Variants in ZNF136 observed in about 807,000 individuals in gnomAD.
ZNF136 encodes the protein zinc finger protein 136, also known as zinc finger protein 136 (clone pHZ-20).
Under a neutral mutation model 11.4 loss-of-function variants are expected in ZNF136, and 8 were observed. The observed-to-expected ratio is 0.70, with a 90% CI of 0.41 to 1.27. The LOEUF is 1.27. Ranked by LOEUF, ZNF136 falls within the 50% of genes most tolerant of loss-of-function variation. The pLI is 0.01. For missense variants in ZNF136, 590 were observed against 656.5 expected, an observed-to-expected ratio of 0.90 and a Z score of 1.11; for synonymous variants, 190 against 207.1, an observed-to-expected ratio of 0.92 and a Z score of 0.71.
rs201947919 is a variant in ZNF136, at chr19:12,163,200, G to A, written c.-4G>A. On this transcript the variant is annotated 5_prime_UTR_variant, in exon 1 of 4. Transcript: ENST00000343979. ...AGGAAGCTGGGACACCCGGGAGTCA[G>A]GAAATGGTGAGTGTGTCGGGCCCTG... 5.5e-5 allele frequency: 77 copies of A among 1,402,588 alleles called. 1 individual carries two copies. Among genetic ancestry groups the A allele is most frequent in the Non-Finnish European group, 6.9e-5 (74 of 1,071,824 alleles). The allele number at this position is 1,402,588 out of a possible 1,614,324, so 86.9% of individuals were successfully genotyped here. A position where few individuals can be genotyped will look rare whatever the true frequency, so the allele number is the denominator to read the frequency against.
rs942240554 is a variant in ZNF136, at chr19:12,189,658, T to C, written c.*1657T>C. 4 of 152,130 alleles carry C rather than the reference T, an allele frequency of 2.6e-5. No homozygotes were observed. The highest frequency in any genetic ancestry group is 9.7e-5 in the African/African-American group (4 of 41,434). 9.4% of individuals were successfully genotyped at this position (152,130 alleles called of 1,614,324 possible). ...TGTGAGCCATCACACCTAGCCCATT[T>C]TTTTTTTCTTGGCTCAAATAATTTT... On this transcript the variant is annotated 3_prime_UTR_variant, in exon 4 of 4. Transcript: ENST00000343979.
At chr19:12,172,322 C>G (rs1314028156) in intron 1 of ZNF136, among the ~76,000 whole-genome samples, 2 of 152,086 alleles carry the variant, frequency 1.3e-5, no homozygotes, top group African/African-American at 4.8e-5. Flanking sequence ...AAAACTTTAT[C>G]CCTGTCCTGG....
intron 1 of ZNF136, 120 bp downstream of exon 1, chr19:12,163,326 C>T: frequency 8.0e-7 from 1 of 1,245,008 alleles, no homozygotes; most frequent in Non-Finnish European, 1.0e-6. Flanking sequence ...TACCGAGTCC[C>T]TCTGGCGCAG....
chr19:12,186,905 C>A lies in ZNF136; in HGVS notation c.527C>A (p.Thr176Asn). 1.2e-6 allele frequency: 2 copies of A among 1,613,924 alleles called. No individual in the cohort carries two copies. Among genetic ancestry groups the A allele is most frequent in the Non-Finnish European group, 1.7e-6 (2 of 1,179,960 alleles). ...KLYDCKECGK[T>N]FFSLKRIRRH... ...TATGATTGTAAGGAATGTGGAAAAA[C>A]CTTCTTTTCTCTCAAAAGAATTAGA... is the stretch of plus-strand genomic sequence containing the variant. Residue 176 changes from threonine (T) to asparagine (N), a missense_variant, in exon 4 of 4, where the codon ACC becomes AAC. Physicochemically the swap from Thr to Asn is moderately conservative, Grantham distance 65. Coordinates refer to ENST00000343979, the MANE Select transcript of ZNF136 (RefSeq NM_003437.5).
chr19:12,171,835 A>T (rs1378497101), intron 1 of ZNF136, among the ~76,000 whole-genome samples: 1 of 151,848 alleles, frequency 6.6e-6, no homozygotes, highest in African/African-American at 2.4e-5. Flanking sequence ...CATTCTAGAG[A>T]GTGTATATTT....
chr19:12,186,881 A>G lies in ZNF136; in HGVS notation c.503A>G (p.Tyr168Cys), dbSNP rs756596257. The G allele has an allele frequency of 1.7e-5, 28 of 1,613,910 alleles. No individual in the cohort carries two copies. Among genetic ancestry groups the G allele is most frequent in the East Asian group, 1.3e-4 (6 of 44,874 alleles). ...HEIIHTGEKLYDCKECGKTFF... is the reference protein window; with the variant it reads ...HEIIHTGEKLCDCKECGKTFF... ...ATAATTCACACTGGAGAGAAACTCT[A>G]TGATTGTAAGGAATGTGGAAAAACC... The change falls in exon 4 of 4, where the codon TAT (tyrosine) becomes TGT (cysteine). Residue 168 changes from tyrosine to cysteine, a missense_variant. Physicochemically the swap from Tyr to Cys is radical, Grantham distance 194 (BLOSUM62 -2). Transcript: ENST00000343979.
At chr19:12,175,550 A>G (rs1473691881) in intron 1 of ZNF136, among the ~76,000 whole-genome samples, 1 of 152,214 alleles carries the variant, frequency 6.6e-6, no homozygotes, top group Non-Finnish European at 1.5e-5. Context: ...CACACATAGT[A>G]CAGAGTTCCC....
In ZNF136 at chr19:12,189,285, A is replaced by G. The variant is rs1396727966; in HGVS notation, c.*1284A>G. On this transcript the variant is annotated 3_prime_UTR_variant, in exon 4 of 4. Coordinates refer to ENST00000343979, the MANE Select transcript of ZNF136 (RefSeq NM_003437.5). ...TTAGCAGGTTCTTGATTCCCTTTCC[A>G]CATTATATACATTCCATCATATTTA... 2 of 152,076 alleles carry G rather than the reference A, an allele frequency of 1.3e-5. No homozygotes were observed. The highest frequency in any genetic ancestry group is 2.4e-5 in the African/African-American group (1 of 41,396). The allele number at this position is 152,076 out of a possible 1,614,324, so 9.4% of individuals were successfully genotyped here.
rs1915191320 is a variant in ZNF136 at position 12,189,026 on chromosome 19, C to T, written c.*1025C>T. 1 of 152,020 alleles carries T rather than the reference C, an allele frequency of 6.6e-6. No individual in the cohort carries two copies. The highest frequency in any genetic ancestry group is 2.1e-4 in the South Asian group (1 of 4,832). 9.4% of individuals were successfully genotyped at this position (152,020 alleles called of 1,614,324 possible). ...CAAAGAAATGTTAAATTGATATAAT[C>T]CTGTAAGTAATCTGAAAGCAATAGT... On this transcript the variant is annotated 3_prime_UTR_variant, in exon 4 of 4. Coordinates refer to ENST00000343979, the MANE Select transcript of ZNF136 (RefSeq NM_003437.5).
At chr19:12,168,646 A>G (rs1489024359) in intron 1 of ZNF136, among the ~76,000 whole-genome samples, 1 of 151,196 alleles carries the variant, frequency 6.6e-6, no homozygotes, top group Non-Finnish European at 1.5e-5. Context: ...CCCTGGTCAT[A>G]TATATCTTTT....
At position 12,186,771 on chromosome 19, in the gene ZNF136, A is replaced by T; in HGVS notation, c.393A>T (p.Glu131Asp). ...IKDHSGHEPK[E>D]YQEYGEKPDT... Reference sequence around the variant, plus strand: ...ATCACAGTGGACATGAACCAAAGGAATATCAGGAATATGGAGAGAAGCCAG... The same window carrying T: ...ATCACAGTGGACATGAACCAAAGGATTATCAGGAATATGGAGAGAAGCCAG... The change falls in exon 4 of 4, where the codon GAA becomes GAT. Residue 131 changes from glutamate (E) to aspartate (D), a missense_variant. Physicochemically the swap from Glu to Asp is conservative, Grantham distance 45. Transcript: ENST00000343979. 1 of 1,614,188 alleles carries T rather than the reference A, an allele frequency of 6.2e-7. No individual in the cohort carries two copies. The highest frequency in any genetic ancestry group is 8.5e-7 in the Non-Finnish European group (1 of 1,180,022).
chr19:12,173,657 G>C (rs1159404909), intron 1 of ZNF136, among the ~76,000 whole-genome samples: 1 of 152,014 alleles, frequency 6.6e-6, no homozygotes. Flanking sequence ...GTGTTTTCCC[G>C]AATTTTGTGA....
intron 1 of ZNF136, among the ~76,000 whole-genome samples, chr19:12,171,915 A>G (rs1392411205): frequency 6.6e-6 from 1 of 151,774 alleles, no homozygotes; most frequent in Non-Finnish European, 1.5e-5. Flanking sequence ...TGGAAAAAAA[A>G]TTGTAACTTA....
chr19:12,173,693 A>G (rs269816), intron 1 of ZNF136, among the ~76,000 whole-genome samples: 36,037 of 151,962 alleles, frequency 0.24, 6,403 homozygotes, highest in African/African-American at 0.5. Context: ...TAATTGAGCC[A>G]AAAAAGGGTG....
rs753118450 is a variant in ZNF136, at chr19:12,185,867, A to G, written c.86A>G (p.Tyr29Cys). ...ALLDPSQKNL[Y>C]RDVMWETMRN... ...CTAGATCCTTCCCAGAAGAATCTCT[A>G]CAGAGATGTGATGTGGGAAACCATG... The change falls in exon 2 of 4, where the codon TAC (tyrosine) becomes TGC (cysteine). Residue 29 changes from tyrosine to cysteine, a missense_variant. Transcript: ENST00000343979. The G allele has an allele frequency of 3.1e-6, 5 of 1,613,944 alleles. No homozygotes were observed. Among genetic ancestry groups the G allele is most frequent in the African/African-American group, 2.7e-5 (2 of 74,902 alleles).
At chr19:12,165,324 G>A (rs760174165) in intron 1 of ZNF136, among the ~76,000 whole-genome samples, 2 of 152,132 alleles carry the variant, frequency 1.3e-5, no homozygotes, top group Admixed American at 1.3e-4. Context: ...GGAGTCAGAC[G>A]AATGTCTGTA....
At chr19:12,185,969 T>C in intron 2 of ZNF136, 58 bp downstream of exon 2, 5 of 1,610,332 alleles carry the variant, frequency 3.1e-6, no homozygotes, top group African/African-American at 1.3e-5. Flanking sequence ...TCTTGTGCAG[T>C]GATGCTGTTC....
At chr19:12,185,730 C>G in intron 1 of ZNF136, 55 bp from the exon 2 acceptor site, 1 of 1,590,134 alleles carries the variant, frequency 6.3e-7, no homozygotes, top group South Asian at 1.1e-5. Flanking sequence ...GAGTACAGCT[C>G]CCCAGCCCTG....
At position 12,188,267 on chromosome 19, in the gene ZNF136, G is replaced by A. The variant is rs1464708085; in HGVS notation, c.*266G>A. ...ATATTTGAGAGAAACCCTGGGTAAA[G>A]GGTGTAGGAAAGGTTTTGTCATCAC... On this transcript the variant is annotated 3_prime_UTR_variant, in exon 4 of 4. Coordinates refer to ENST00000343979, the MANE Select transcript of ZNF136 (RefSeq NM_003437.5). 2 of 307,704 alleles carry A rather than the reference G, an allele frequency of 6.5e-6. No homozygotes were observed. Among genetic ancestry groups the A allele is most frequent in the East Asian group, 5.5e-5 (1 of 18,240 alleles). 19.1% of individuals were successfully genotyped at this position (307,704 alleles called of 1,614,324 possible).
Sources: allele counts gnomAD v4.1 joint callset (sites outside exome capture counted in the v4.1 genomes callset), GRCh38; gene constraint gnomAD v4.1.1; transcripts MANE v1.5; gene names NCBI Gene and HGNC (gene_info 2026-07-23, HGNC 2026-07-21).